Variants in FBXW8 observed in about 807,000 individuals in gnomAD.
FBXW8 encodes the protein F-box and WD repeat domain containing 8.
FBXW8 carries 57 observed loss-of-function variants against 65.3 expected under a neutral mutation model. That is an observed-to-expected ratio of 0.87 (90% CI 0.71 to 1.09). The LOEUF (loss-of-function observed/expected upper bound fraction) is 1.09, where lower values mean the gene tolerates loss of function less well. Ranked by LOEUF, FBXW8 falls within the 50% of genes least tolerant of loss-of-function variation. The pLI is 0.00. For missense variants in FBXW8, 777 were observed against 814.8 expected (o/e 0.95, Z 0.57); for synonymous variants, 308 against 330.2 (o/e 0.93, Z 0.73).
rs1881474470 is a variant in FBXW8, at chr12:116,928,119, T to C, written c.415T>C (p.Cys139Arg). The change falls in exon 2 of 11, where the codon TGT becomes CGT. Residue 139 changes from cysteine to arginine, a missense_variant. By Grantham distance (180) the Cys-to-Arg change is radical (BLOSUM62 -3). Transcript: ENST00000652555. Reference sequence around the variant, plus strand: ...TCTGGACAGGAAAGAACTAGGAAGATGTGCACAGGTAAGGTGTCACCAACA... The same window carrying C: ...TCTGGACAGGAAAGAACTAGGAAGACGTGCACAGGTAAGGTGTCACCAACA... ...QYLDRKELGRCAQVSKTWKVI... is the reference protein window; with the variant it reads ...QYLDRKELGRRAQVSKTWKVI... 1 of 1,601,678 alleles carries C rather than the reference T, an allele frequency of 6.2e-7. No individual in the cohort carries two copies. The highest frequency in any genetic ancestry group is 1.7e-5 in the Admixed American group (1 of 59,520).
intron 7 of FBXW8, among the ~76,000 whole-genome samples, chr12:116,990,459 G>A (rs1953213032): frequency 6.6e-6 from 1 of 151,982 alleles, no homozygotes; most frequent in South Asian, 2.1e-4. Context: ...CCCATCCCTG[G>A]TGAGCTCATT....
intron 5 of FBXW8, among the ~76,000 whole-genome samples, chr12:116,965,488 A>T (rs1326204324): frequency 6.6e-6 from 1 of 152,226 alleles, no homozygotes; most frequent in Non-Finnish European, 1.5e-5. Context: ...TTCAATGGCC[A>T]TGATATCCAG....
chr12:117,020,898 A>G (rs996727014), intron 8 of FBXW8, among the ~76,000 whole-genome samples: 4 of 152,232 alleles, frequency 2.6e-5, no homozygotes, highest in African/African-American at 9.6e-5. Flanking sequence ...AACTGTCAAC[A>G]TGTTGTCTGA....
intron 5 of FBXW8, 41 bp from the exon 6 acceptor site, chr12:116,985,165 T>TAAATTTA: frequency 6.6e-7 from 1 of 1,514,918 alleles, no homozygotes; most frequent in Non-Finnish European, 8.9e-7. Flanking sequence ...ACATATTAAG[T>TAAATTTA]AAATTTAAAA....
At chr12:116,957,626 A>G (rs1883733199) in intron 4 of FBXW8, among the ~76,000 whole-genome samples, 1 of 152,160 alleles carries the variant, frequency 6.6e-6, no homozygotes, top group Admixed American at 6.5e-5. Context: ...TTGCCCATAT[A>G]TACTTACTAA....
chr12:116,927,798 A>G, intron 1 of FBXW8, among the ~76,000 whole-genome samples: 1 of 152,160 alleles, frequency 6.6e-6, no homozygotes, highest in East Asian at 1.9e-4. Context: ...AAGTGAATAT[A>G]AGGAGTGAAG....
At chr12:116,953,879 G>T (rs1363764184) in intron 4 of FBXW8, among the ~76,000 whole-genome samples, 1 of 152,086 alleles carries the variant, frequency 6.6e-6, no homozygotes, top group Non-Finnish European at 1.5e-5. Flanking sequence ...ACTTTGGGAG[G>T]CCTAGGCGGG....
intron 7 of FBXW8, among the ~76,000 whole-genome samples, chr12:117,009,222 T>TA (rs1306876633): frequency 6.6e-6 from 1 of 151,972 alleles, no homozygotes. Context: ...AAAAATTTTT[T>TA]AAAAAAGAAA....
chr12:117,001,616 A>T (rs1463622989), intron 7 of FBXW8, among the ~76,000 whole-genome samples: 1 of 152,150 alleles, frequency 6.6e-6, no homozygotes, highest in East Asian at 1.9e-4. Context: ...TCCGTAAGAT[A>T]GATATTATAA....
chr12:117,007,000 A>G (rs1420946772), intron 7 of FBXW8, among the ~76,000 whole-genome samples: 4 of 152,364 alleles, frequency 2.6e-5, no homozygotes, highest in African/African-American at 9.6e-5. Context: ...ATGTGTATAC[A>G]CACAGAGGCA....
At chr12:116,947,178 C>T (rs1032588268) in intron 3 of FBXW8, among the ~76,000 whole-genome samples, 2 of 152,120 alleles carry the variant, frequency 1.3e-5, no homozygotes, top group East Asian at 3.9e-4. Flanking sequence ...AAGTTATATA[C>T]AATCTAGCTG....
At chr12:116,956,179 C>T (rs1274854605) in intron 4 of FBXW8, among the ~76,000 whole-genome samples, 1 of 152,038 alleles carries the variant, frequency 6.6e-6, no homozygotes, top group Non-Finnish European at 1.5e-5. Flanking sequence ...AATATTTTCT[C>T]CCCTGGTTTC....
intron 3 of FBXW8, among the ~76,000 whole-genome samples, chr12:116,947,334 C>T (rs1270658014): frequency 6.6e-6 from 1 of 152,130 alleles, no homozygotes; most frequent in Non-Finnish European, 1.5e-5. Context: ...GTGTAAGGTC[C>T]ATTTCCTGAC....
chr12:117,010,183 G>T (rs1953769317), intron 7 of FBXW8, 140 bp from the exon 8 acceptor site: 6 of 1,289,466 alleles, frequency 4.7e-6, no homozygotes, highest in African/African-American at 4.4e-5. Flanking sequence ...ACCTGAAAAA[G>T]ATCAGGAAAT....
intron 5 of FBXW8, among the ~76,000 whole-genome samples, chr12:116,983,118 ATGCAAATGGGAGT>A (rs746834140): frequency 4.6e-5 from 7 of 152,202 alleles, no homozygotes; most frequent in Non-Finnish European, 8.8e-5. Flanking sequence ...CAGAAGCTCT[ATGCAAATGGGAGT>A]TTTTTTTCTC....
At chr12:116,915,640 CTTTTTTTTT>C (rs57687048) in intron 1 of FBXW8, among the ~76,000 whole-genome samples, 78 of 77,190 alleles carry the variant, frequency 1.0e-3, no homozygotes, top group African/African-American at 3.8e-3. Context: ...CACCTGACTA[CTTTTTTTTT>C]TTTTTTTTTT....
At chr12:116,945,653 C>G (rs553295787) in intron 3 of FBXW8, 125 bp downstream of exon 3, 2 of 832,832 alleles carry the variant, frequency 2.4e-6, no homozygotes, top group Non-Finnish European at 3.6e-6. Context: ...CTGAGCCTCC[C>G]CTTCAGCTGT....
chr12:116,928,894 T>G (rs922147825), intron 2 of FBXW8, among the ~76,000 whole-genome samples: 15 of 152,166 alleles, frequency 9.9e-5, no homozygotes, highest in African/African-American at 3.6e-4. Flanking sequence ...CACTGCAACC[T>G]CTGCCTCCCA....
At chr12:116,940,664 G>GGT (rs1308429974) in intron 2 of FBXW8, among the ~76,000 whole-genome samples, 1 of 152,092 alleles carries the variant, frequency 6.6e-6, no homozygotes. Context: ...CGAGTTCACA[G>GGT]GTGTTTGTAA....
Sources: allele counts gnomAD v4.1 joint callset (sites outside exome capture counted in the v4.1 genomes callset), GRCh38; gene constraint gnomAD v4.1.1; transcripts MANE v1.5; gene names NCBI Gene and HGNC (gene_info 2026-07-23, HGNC 2026-07-21).